CYP7B1: variants seen among roughly 807,000 people sequenced by gnomAD.
The protein encoded by CYP7B1 is cytochrome P450 family 7 subfamily B member 1, also known as cytochrome P450 7B1.
CYP7B1 carries 29 observed loss-of-function variants against 42.7 expected under a neutral mutation model. That is an observed-to-expected ratio of 0.68 (90% confidence interval 0.51 to 0.93). CYP7B1 has a LOEUF of 0.93. Among genes scored for constraint, CYP7B1 ranks in the 40% least tolerant of loss-of-function variants. CYP7B1 has a pLI of 0.00. For missense variants in CYP7B1, 655 were observed against 600.5 expected (o/e 1.09, Z -0.95); for synonymous variants, 235 against 218.2 (o/e 1.08, Z -0.68).
At chr8:64,779,080 C>G (rs1299599592) in intron 1 of CYP7B1, among the ~76,000 whole-genome samples, 2 of 150,682 alleles carry the variant, frequency 1.3e-5, no homozygotes, top group Non-Finnish European at 3.0e-5. Context: ...TACATTTCTT[C>G]TAGCAATGCT....
intron 1 of CYP7B1, among the ~76,000 whole-genome samples, chr8:64,672,301 G>A (rs1464153346): frequency 6.6e-6 from 1 of 152,112 alleles, no homozygotes; most frequent in East Asian, 1.9e-4. Context: ...GAATGGAGGT[G>A]ACCGATTAAG....
rs1204471560 is a variant in CYP7B1 at position 64,664,608 on chromosome 8, G to A, written c.123-40069C>T. On this transcript the variant is annotated intron_variant, in intron 1 of 5. Transcript: ENST00000310193. ...CAGGTTCCCAGTCTGCAGGCTTGAC[G>A]ATCTCTAAAGTCATTGCCCTGGAAC... Among the ~76,000 whole-genome samples, 5 of 152,178 alleles carry A rather than the reference G, an allele frequency of 3.3e-5. No homozygotes were observed. In the South Asian group the frequency reaches 6.2e-4, roughly 19 times the overall value.
intron 1 of CYP7B1, among the ~76,000 whole-genome samples, chr8:64,651,755 A>G (rs1806042467): frequency 6.6e-6 from 1 of 152,220 alleles, no homozygotes; most frequent in Non-Finnish European, 1.5e-5. Context: ...ACCAGGAAGC[A>G]GCCCTCACCA....
chr8:64,691,062 TG>T (rs1378077263), intron 1 of CYP7B1, among the ~76,000 whole-genome samples: 7 of 151,692 alleles, frequency 4.6e-5, no homozygotes, highest in African/African-American at 1.7e-4. Flanking sequence ...GGGGAGGAGG[TG>T]GTTTAACAAT....
Position 64,606,369 on chromosome 8 carries a change from G to T in CYP7B1, c.1058-1512C>A, listed in dbSNP as rs185336165. 2.7e-3 allele frequency among the ~76,000 whole-genome samples: 417 copies of T among 152,288 alleles called. 1 individual carries two copies. Among genetic ancestry groups the T allele is most frequent in the Non-Finnish European group, 4.6e-3 (310 of 68,022 alleles). On this transcript the variant is annotated intron_variant, in intron 4 of 5. Coordinates refer to ENST00000310193, the MANE Select transcript of CYP7B1 (RefSeq NM_004820.5). ...GCTCGGCCTCCCATGTACTGCTGCC[G>T]GCTCTGTTGGAGCAACAATAGCACA...
intron 1 of CYP7B1, among the ~76,000 whole-genome samples, chr8:64,749,179 C>A (rs918717103): frequency 2.6e-5 from 4 of 152,028 alleles, no homozygotes; most frequent in African/African-American, 9.6e-5. Flanking sequence ...CTCCTGGATT[C>A]AAGAAATTCT....
At chr8:64,604,318 T>C (rs1053594985) in intron 5 of CYP7B1, among the ~76,000 whole-genome samples, 5 of 152,216 alleles carry the variant, frequency 3.3e-5, no homozygotes, top group African/African-American at 1.2e-4. Context: ...GTTATCATCA[T>C]TTATTCTCTA....
chr8:64,700,693 A>G (rs1397991860), intron 1 of CYP7B1, among the ~76,000 whole-genome samples: 2 of 152,186 alleles, frequency 1.3e-5, no homozygotes, highest in African/African-American at 4.8e-5. Context: ...AGATATATGC[A>G]TTTCATTTCA....
At chr8:64,705,861 C>A (rs188909871) in intron 1 of CYP7B1, among the ~76,000 whole-genome samples, 1 of 152,062 alleles carries the variant, frequency 6.6e-6, no homozygotes, top group East Asian at 1.9e-4. Context: ...AATAATTGCA[C>A]TGAAAATGCT....
At chr8:64,709,279 C>T (rs766215048) in intron 1 of CYP7B1, among the ~76,000 whole-genome samples, 2 of 152,170 alleles carry the variant, frequency 1.3e-5, no homozygotes, top group Non-Finnish European at 2.9e-5. Context: ...GCTTGATCAA[C>T]AATAAATTTG....
At chr8:64,627,917 C>T (rs1805633045) in intron 1 of CYP7B1, among the ~76,000 whole-genome samples, 1 of 152,144 alleles carries the variant, frequency 6.6e-6, no homozygotes, top group South Asian at 2.1e-4. Context: ...CCATAATGAT[C>T]GAGAAAGGCC....
In CYP7B1 at chr8:64,615,065, G is replaced by A. The variant is rs757698965; in HGVS notation, c.1018C>T (p.His340Tyr). The A allele has an allele frequency of 2.2e-5, 36 of 1,613,694 alleles. No homozygotes were observed. Among genetic ancestry groups the A allele is most frequent in the Non-Finnish European group, 3.0e-5 (35 of 1,179,718 alleles). ...CTGTCCAATTGTTCTCTGGTGAGGT[G>A]GATGGGAAATCCAGACCCTTTCTTT... ...GQKKGSGFPIHLTREQLDSLI... is the reference protein window; with the variant it reads ...GQKKGSGFPIYLTREQLDSLI... The change falls in exon 4 of 6, where the codon CAC becomes TAC. Residue 340 changes from histidine to tyrosine, a missense_variant. Coordinates refer to ENST00000310193, the MANE Select transcript of CYP7B1 (RefSeq NM_004820.5).
At chr8:64,614,934 T>A in intron 4 of CYP7B1, 92 bp downstream of exon 4, 1 of 1,217,094 alleles carries the variant, frequency 8.2e-7, no homozygotes, top group Non-Finnish European at 1.2e-6. Context: ...TAGGCAGCTG[T>A]GTCCTCTACC....
At position 64,594,951 on chromosome 8, in the gene CYP7B1, GAGAAACAGAA is replaced by G. The variant is rs1374172323; in HGVS notation, c.*1681_*1690del. Among the ~76,000 whole-genome samples, 1 of 152,204 alleles carries G rather than the reference GAGAAACAGAA, an allele frequency of 6.6e-6. No homozygotes were observed. Among genetic ancestry groups the G allele is most frequent in the African/African-American group, 2.4e-5 (1 of 41,454 alleles). Reference sequence around the variant, plus strand: ...AAGAAGCAGCAGGACATGCAAGCATGAGAAACAGAAAGAAACTAAGAACATCAAAGACAAA... The same window carrying G: ...AAGAAGCAGCAGGACATGCAAGCATGAGAAACTAAGAACATCAAAGACAAA... On this transcript the variant is annotated 3_prime_UTR_variant, in exon 6 of 6. Transcript: ENST00000310193.
intron 5 of CYP7B1, among the ~76,000 whole-genome samples, chr8:64,600,980 T>G (rs182015993): frequency 2.0e-5 from 3 of 152,318 alleles, no homozygotes; most frequent in Admixed American, 2.0e-4. Context: ...GATTTCTGGA[T>G]AGTAATTAAT....
intron 1 of CYP7B1, among the ~76,000 whole-genome samples, chr8:64,664,396 C>CCTTA (rs1460004986): frequency 4.6e-5 from 7 of 152,096 alleles, no homozygotes; most frequent in African/African-American, 1.7e-4. Flanking sequence ...AGACATTGTG[C>CCTTA]TAAGTGCTTT....
chr8:64,753,848 G>C (rs1187831677), intron 1 of CYP7B1, among the ~76,000 whole-genome samples: 1 of 152,212 alleles, frequency 6.6e-6, no homozygotes, highest in African/African-American at 2.4e-5. Flanking sequence ...AGAATGTGAG[G>C]GCTGAGCTCC....
chr8:64,673,962 G>A (rs1363394743), intron 1 of CYP7B1, among the ~76,000 whole-genome samples: 2 of 152,016 alleles, frequency 1.3e-5, no homozygotes, highest in African/African-American at 4.8e-5. Flanking sequence ...TTCAAAAACA[G>A]CATAAAATAT....
At position 64,596,518 on chromosome 8, in the gene CYP7B1, A is replaced by G. The variant is rs1805118694; in HGVS notation, c.*124T>C. On this transcript the variant is annotated 3_prime_UTR_variant, in exon 6 of 6. Transcript: ENST00000310193. ...GGACAAACTGGACTGATATCAGATCAAATAGAAATTAGCGCTTTTTAAACA... is the reference window on the plus strand; with the variant it reads ...GGACAAACTGGACTGATATCAGATCGAATAGAAATTAGCGCTTTTTAAACA... 3 of 1,007,036 alleles carry G rather than the reference A, an allele frequency of 3.0e-6. No individual in the cohort carries two copies. The highest frequency in any genetic ancestry group is 1.6e-5 in the South Asian group (1 of 62,286). 62.4% of individuals were successfully genotyped at this position (1,007,036 alleles called of 1,614,324 possible).
Sources: allele counts gnomAD v4.1 joint callset (sites outside exome capture counted in the v4.1 genomes callset), GRCh38; gene constraint gnomAD v4.1.1; transcripts MANE v1.5; gene names NCBI Gene and HGNC (gene_info 2026-07-23, HGNC 2026-07-21).